HERC1: variants seen among roughly 807,000 people sequenced by gnomAD.
HERC1 encodes the protein HECT and RLD domain containing E3 ubiquitin protein ligase family member 1.
Under a neutral mutation model 554.3 loss-of-function variants are expected in HERC1, and 160 were observed. The observed-to-expected ratio is 0.29, with a 90% CI of 0.25 to 0.33. The LOEUF (loss-of-function observed/expected upper bound fraction) is 0.33. Ranked by LOEUF, HERC1 falls within the 10% of genes least tolerant of loss-of-function variation. The pLI, the probability that HERC1 is intolerant of heterozygous loss-of-function variation, is 1.00. For missense variants in HERC1, 4,919 were observed against 5,918.5 expected (o/e 0.83, Z 5.54); for synonymous variants, 2,175 against 2,131.7 (o/e 1.02, Z -0.56).
intron 30 of HERC1, among the ~76,000 whole-genome samples, chr15:63,693,304 T>C (rs1004481649): frequency 2.0e-5 from 3 of 151,102 alleles, no homozygotes; most frequent in Non-Finnish European, 4.4e-5. Flanking sequence ...AGTGCAGTGG[T>C]GTGATCTCAG....
rs553056462 is a variant in HERC1 at position 63,758,044 on chromosome 15, G to T, written c.1221+131C>A. The T allele has an allele frequency of 6.1e-6, 4 of 653,342 alleles. No homozygotes were observed. In the South Asian group the frequency reaches 9.9e-5, roughly 16 times the overall value. 40.5% of individuals were successfully genotyped at this position (653,342 alleles called of 1,614,324 possible). On this transcript the variant is annotated intron_variant, in intron 4 of 77. Coordinates refer to ENST00000443617, the MANE Select transcript of HERC1 (RefSeq NM_003922.4). This position sits in a 1 kb window ranked among gnomAD's most constrained non-coding sequence, Gnocchi z 4.0. ...TTCTATTAAAATGAAAAAAACTAAT[G>T]CAGTATATAGACCAGAAATAACCAT... is the stretch of plus-strand genomic sequence containing the variant.
At chr15:63,792,026 A>T (rs1211941750) in intron 1 of HERC1, among the ~76,000 whole-genome samples, 1 of 152,126 alleles carries the variant, frequency 6.6e-6, no homozygotes, top group Non-Finnish European at 1.5e-5. Flanking sequence ...TTAATTTTTC[A>T]TTTTTCCAAA....
chr15:63,618,806 T>C (rs1311579166), intron 74 of HERC1, among the ~76,000 whole-genome samples: 2 of 152,250 alleles, frequency 1.3e-5, no homozygotes, highest in African/African-American at 4.8e-5. Context: ...TGTCTGTTAT[T>C]GGTGTATAAG....
intron 25 of HERC1, among the ~76,000 whole-genome samples, chr15:63,705,516 T>C (rs75471694): frequency 0.027 from 4,121 of 152,262 alleles, 182 homozygotes; most frequent in African/African-American, 0.093. Flanking sequence ...ATGAAAAAAT[T>C]ATGTGTGCAT....
At chr15:63,759,607 C>T (rs1291317410) in intron 3 of HERC1, among the ~76,000 whole-genome samples, 1 of 152,128 alleles carries the variant, frequency 6.6e-6, no homozygotes, top group Non-Finnish European at 1.5e-5. Context: ...TATTTTGTGA[C>T]GTGAACTTCT....
chr15:63,652,351 C>T, intron 52 of HERC1, 63 bp downstream of exon 52: 1 of 1,476,634 alleles, frequency 6.8e-7, no homozygotes, highest in Admixed American at 2.1e-5. Context: ...TTAACACAAC[C>T]AAGATGAGGC....
intron 1 of HERC1, among the ~76,000 whole-genome samples, chr15:63,810,046 G>A (rs1399129263): frequency 6.6e-6 from 1 of 151,832 alleles, no homozygotes; most frequent in African/African-American, 2.4e-5. Context: ...AGAATTCAAG[G>A]CAGTCATTAA....
intron 24 of HERC1, among the ~76,000 whole-genome samples, chr15:63,709,160 T>C (rs1254948040): frequency 6.6e-6 from 1 of 151,168 alleles, no homozygotes; most frequent in African/African-American, 2.5e-5. Flanking sequence ...CTAATATATA[T>C]ATATATTTTT....
Position 63,727,838 on chromosome 15 carries a change from T to A in HERC1, c.3155A>T (p.Asp1052Val), listed in dbSNP as rs2140866977. 1 of 1,610,576 alleles carries A rather than the reference T, an allele frequency of 6.2e-7. No homozygotes were observed. Among genetic ancestry groups the A allele is most frequent in the Non-Finnish European group, 8.5e-7 (1 of 1,177,784 alleles). The change falls in exon 17 of 78, where the codon GAT (aspartate) becomes GTT (valine). Residue 1052 changes from aspartate to valine, a missense_variant and splice_region_variant. This residue lies in a region of HERC1 where 1,121 missense variants were observed against 1,244.0 expected (regional missense o/e 0.90). Transcript: ENST00000443617. The surrounding 1 kb of genome is among the most constrained non-coding windows in gnomAD (Gnocchi z 4.3). The part of the protein sequence containing the change: ...WNGSVGEKLR[D>V]VIYVSAAGSM... ...GCCAGCAGCTGAGACGTATATCACA[T>A]CTATGAAGGGCAAGAAATTAAACAT...
At chr15:63,730,296 A>AT (rs1047918986) in intron 14 of HERC1, among the ~76,000 whole-genome samples, 11 of 149,234 alleles carry the variant, frequency 7.4e-5, no homozygotes, top group Middle Eastern at 3.5e-3. Context: ...CTCTAAAAAA[A>AT]TTTTTTTTTT....
chr15:63,728,929 GAGC>G (rs1451566502), intron 16 of HERC1, among the ~76,000 whole-genome samples: 1 of 137,986 alleles, frequency 7.2e-6, no homozygotes, highest in African/African-American at 2.7e-5. Flanking sequence ...GGTAAAGAAA[GAGC>G]AGGTTTTAAA....
intron 52 of HERC1, 140 bp downstream of exon 52, chr15:63,652,274 C>T: frequency 3.7e-6 from 2 of 546,526 alleles, no homozygotes; most frequent in Non-Finnish European, 5.9e-6. Context: ...TAAAAATACA[C>T]ACTGAAAATA....
At chr15:63,637,736 C>T (rs1418095671) in intron 63 of HERC1, 93 bp from the exon 64 acceptor site, 4 of 1,052,636 alleles carry the variant, frequency 3.8e-6, no homozygotes, top group South Asian at 3.7e-5. Flanking sequence ...ACATAGAATG[C>T]TTTTATAATT....
At position 63,716,335 on chromosome 15, in the gene HERC1, C is replaced by T; in HGVS notation, c.4117G>A (p.Glu1373Lys). 6.2e-7 allele frequency: 1 copy of T among 1,613,818 alleles called. No homozygotes were observed. Among genetic ancestry groups the T allele is most frequent in the South Asian group, 1.1e-5 (1 of 91,050 alleles). ...EGHPEPEDEE[E>K]EREHEVMTAG... ...GTCATCACTTCATGTTCCCGTTCCT[C>T]CTCTTCATCCTCTGGCTCCGGATGC... Residue 1373 changes from glutamate (E) to lysine (K), a missense_variant, in exon 22 of 78, where the codon GAG (glutamate) becomes AAG (lysine). Coordinates refer to ENST00000443617, the MANE Select transcript of HERC1 (RefSeq NM_003922.4).
intron 46 of HERC1, 81 bp from the exon 47 acceptor site, chr15:63,660,017 C>T: frequency 2.6e-6 from 3 of 1,167,128 alleles, no homozygotes; most frequent in South Asian, 2.7e-5. Context: ...TCTGAAAATA[C>T]ATCTAAAATG....
At chr15:63,661,408 A>C (rs894546133) in intron 45 of HERC1, among the ~76,000 whole-genome samples, 1 of 152,192 alleles carries the variant, frequency 6.6e-6, no homozygotes, top group Non-Finnish European at 1.5e-5. Flanking sequence ...TGTTTTTTTC[A>C]TCAGGAAAAA....
chr15:63,817,278 A>T (rs1013252226), intron 1 of HERC1, among the ~76,000 whole-genome samples: 12 of 152,216 alleles, frequency 7.9e-5, no homozygotes, highest in African/African-American at 2.9e-4. Context: ...TTCATATTTG[A>T]TATTAAGAAC....
chr15:63,756,835 G>T lies in HERC1; in HGVS notation c.1222-87C>A. The T allele has an allele frequency of 2.4e-6, 2 of 824,000 alleles. No individual in the cohort carries two copies. Among genetic ancestry groups the T allele is most frequent in the South Asian group, 1.9e-5 (1 of 52,564 alleles). The allele number at this position is 824,000 out of a possible 1,614,324, so 51.0% of individuals were successfully genotyped here. Reference sequence around the variant, plus strand: ...GCTGGTTTTATCAAAGAGCCTCAAAGGAAGTCTTTTAGCAGGATACGGCAT... The same window carrying T: ...GCTGGTTTTATCAAAGAGCCTCAAATGAAGTCTTTTAGCAGGATACGGCAT... On this transcript the variant is annotated intron_variant, in intron 4 of 77. Transcript: ENST00000443617. The surrounding 1 kb of genome is among the most constrained non-coding windows in gnomAD (Gnocchi z 5.0).
intron 12 of HERC1, among the ~76,000 whole-genome samples, chr15:63,735,912 A>T (rs1252675637): frequency 3.3e-5 from 5 of 152,312 alleles, no homozygotes; most frequent in Admixed American, 6.5e-5. Context: ...AAATAAAGCT[A>T]AAATCAAAGC....
Sources: allele counts gnomAD v4.1 joint callset (sites outside exome capture counted in the v4.1 genomes callset), GRCh38; gene constraint gnomAD v4.1.1; regional missense constraint gnomAD v4.1.1; non-coding constraint Gnocchi (gnomAD v3.1); transcripts MANE v1.5; gene names NCBI Gene and HGNC (gene_info 2026-07-23, HGNC 2026-07-21).